The following CROCC variants were observed in gnomAD, a reference collection of about 807,000 sequenced individuals.
CROCC encodes rootletin.
In CROCC, 180 loss-of-function variants were observed where a neutral mutation model predicts 245.2. That is an observed-to-expected ratio of 0.73 (90% confidence interval 0.65 to 0.83). The LOEUF (loss-of-function observed/expected upper bound fraction) is 0.83, where lower values mean the gene tolerates loss of function less well. CROCC is among the 40% of genes least tolerant of loss of function. The pLI, the probability that CROCC is intolerant of heterozygous loss-of-function variation, is 0.00. For missense variants in CROCC, 2,688 were observed against 2,779.4 expected (o/e 0.97, Z 0.74); for synonymous variants, 1,205 against 1,241.6 (o/e 0.97, Z 0.62).
At chr1:16,957,399 C>T (rs2100512991) in intron 25 of CROCC, among the ~76,000 whole-genome samples, 1 of 152,112 alleles carries the variant, frequency 6.6e-6, no homozygotes, top group South Asian at 2.1e-4. Context: ...AAAGCAAGAC[C>T]CTGACTCTAA....
Position 16,948,297 on chromosome 1 carries a change from T to C in CROCC, c.2515-34T>C, listed in dbSNP as rs368848011. ...GCACGATGAACAAGCTGGGGGACGC[T>C]GGGAGTGCTACTCAGTCTCTGGGTG... On this transcript the variant is annotated intron_variant, in intron 17 of 36. Transcript: ENST00000375541. The C allele has an allele frequency of 4.6e-6, 7 of 1,517,464 alleles. No individual in the cohort carries two copies. The East Asian group carries it at 1.6e-4, about 35-fold the overall frequency. 94.0% of individuals were successfully genotyped at this position (1,517,464 alleles called of 1,614,324 possible). A position where few individuals can be genotyped will look rare whatever the true frequency, so the allele number is the denominator to read the frequency against.
chr1:16,949,116 C>A (rs1280345617), intron 19 of CROCC, among the ~76,000 whole-genome samples, 190 bp downstream of exon 19: 5 of 152,272 alleles, frequency 3.3e-5, no homozygotes, highest in Admixed American at 2.6e-4. Context: ...GCTGCAGATT[C>A]CTCAGCTGAT....
chr1:16,969,329 C>G lies in CROCC; in HGVS notation c.5290C>G (p.Gln1764Glu). 6.2e-7 allele frequency: 1 copy of G among 1,611,138 alleles called. No individual in the cohort carries two copies. The highest frequency in any genetic ancestry group is 8.5e-7 in the Non-Finnish European group (1 of 1,179,462). ...TCTGACCGCCTGTGAACATGACCGC[C>G]AAGTACTCCAGGTCTCGGGCCCAGG... Reference protein sequence around the residue: ...KALTACEHDRQVLQERLDAAR... With the variant: ...KALTACEHDREVLQERLDAAR... Residue 1764 changes from glutamine to glutamate, a missense_variant, in exon 32 of 37, where the codon CAA (glutamine) becomes GAA (glutamate). Gln to Glu is a conservative substitution (Grantham distance 29). Transcript: ENST00000375541.
intron 1 of CROCC, 111 bp downstream of exon 1, chr1:16,922,189 G>A (rs1191835028): frequency 6.0e-6 from 7 of 1,163,954 alleles, no homozygotes; most frequent in Non-Finnish European, 8.4e-6. Context: ...GAGGTGTGGT[G>A]GTGGTGGGGT....
rs1570603717 is a variant in CROCC, at chr1:16,930,559, G to C, written c.814G>C (p.Glu272Gln). 1 of 1,612,238 alleles carries C rather than the reference G, an allele frequency of 6.2e-7. No individual in the cohort carries two copies. Among genetic ancestry groups the C allele is most frequent in the East Asian group, 2.2e-5 (1 of 44,890 alleles). ...NDWTRCRKEL[E>Q]HREAAWRREE... The stretch of plus-strand genomic sequence containing the variant: ...CTGGACACGCTGCCGCAAGGAGCTG[G>C]AGCACCGGGAGGCGGCGTGGAGGCG... The change falls in exon 7 of 37, where the codon GAG (glutamate) becomes CAG (glutamine). Residue 272 changes from glutamate to glutamine, a missense_variant. Glu to Gln is a conservative substitution (Grantham distance 29). Around this residue, in one of 9 missense-constraint regions of CROCC, gnomAD observed 972 missense variants for 895.3 expected, o/e 1.09. Transcript: ENST00000375541.
At position 16,948,535 on chromosome 1, in the gene CROCC, G is replaced by A. The variant is rs1215416334; in HGVS notation, c.2708+11G>A. ...GGCCACACGCCTGCGGTAAGGCCTTGGGCTCTGCCCAACCCGCCCTGGGGG... is the reference window on the plus strand; with the variant it reads ...GGCCACACGCCTGCGGTAAGGCCTTAGGCTCTGCCCAACCCGCCCTGGGGG... On this transcript the variant is annotated intron_variant, in intron 18 of 36. Transcript: ENST00000375541. 1.3e-6 allele frequency: 2 copies of A among 1,524,158 alleles called. No individual in the cohort carries two copies. Among genetic ancestry groups the A allele is most frequent in the South Asian group, 1.3e-5 (1 of 79,784 alleles). The allele number at this position is 1,524,158 out of a possible 1,614,324, so 94.4% of individuals were successfully genotyped here.
In CROCC at chr1:16,969,344, T is replaced by TCGGGC; in HGVS notation, c.5301+6_5301+10dup. 2 of 1,608,084 alleles carry TCGGGC rather than the reference T, an allele frequency of 1.2e-6. No individual in the cohort carries two copies. The highest frequency in any genetic ancestry group is 2.2e-5 in the South Asian group (2 of 90,210). ...ACATGACCGCCAAGTACTCCAGGTCTCGGGCCCAGGGTCTGGCTGGGGTGG... is the reference window on the plus strand; with the variant it reads ...ACATGACCGCCAAGTACTCCAGGTCTCGGGCCGGGCCCAGGGTCTGGCTGGGGTGG... On this transcript the variant is annotated splice_donor_region_variant and intron_variant, in intron 32 of 36. Coordinates refer to ENST00000375541, the MANE Select transcript of CROCC (RefSeq NM_014675.5).
At chr1:16,930,089 A>T in intron 4 of CROCC, 35 bp from the exon 5 acceptor site, 2 of 1,576,604 alleles carry the variant, frequency 1.3e-6, no homozygotes, top group Non-Finnish European at 1.7e-6. Flanking sequence ...CCCCGCCCCA[A>T]CCCCTGGGGC....
chr1:16,946,809 C>G lies in CROCC; in HGVS notation c.2332C>G (p.Gln778Glu), dbSNP rs1461503361. Residue 778 changes from glutamine (Q) to glutamate (E), a missense_variant, in exon 17 of 37, where the codon CAG (glutamine) becomes GAG (glutamate). Gln to Glu is a conservative substitution (Grantham distance 29). Transcript: ENST00000375541. ...GCAGGGCCGGCAACGGCAGGCAGAG[C>G]AGGAGGCCACAGTGGCGCGGGAAGA... Reference protein sequence around the residue: ...ALQGRQRQAEQEATVAREEQE... With the variant: ...ALQGRQRQAEEEATVAREEQE... The G allele has an allele frequency of 1.9e-6, 3 of 1,552,538 alleles. No individual in the cohort carries two copies. Among genetic ancestry groups the G allele is most frequent in the Admixed American group, 3.9e-5 (2 of 51,066 alleles).
At chr1:16,950,848 C>T (rs1249181046) in intron 19 of CROCC, 105 bp from the exon 20 acceptor site, 1 of 990,518 alleles carries the variant, frequency 1.0e-6, no homozygotes, top group Non-Finnish European at 1.4e-6. Flanking sequence ...CAGGCAGGCC[C>T]TCTGCCTCTG....
At chr1:16,942,423 A>G (rs78420166) in intron 13 of CROCC, among the ~76,000 whole-genome samples, 1,122 of 152,216 alleles carry the variant, frequency 7.4e-3, no homozygotes, top group Non-Finnish European at 0.012. Flanking sequence ...AAATAGGAAT[A>G]AAAAGACAGC....
chr1:16,957,589 C>T (rs2076267813), intron 25 of CROCC, among the ~76,000 whole-genome samples: 9 of 151,988 alleles, frequency 5.9e-5, no homozygotes, highest in Admixed American at 4.6e-4. Context: ...ATTACAGATG[C>T]CCGCCACCAC....
intron 1 of CROCC, among the ~76,000 whole-genome samples, chr1:16,914,269 G>A (rs11203412): frequency 0.15 from 22,731 of 148,510 alleles, no homozygotes; most frequent in East Asian, 0.4. Flanking sequence ...CGACTGCCGC[G>A]GCCCGGCACC....
At chr1:16,921,773 C>T (rs2075410120), upstream of CROCC, among the ~76,000 whole-genome samples, 1 of 152,226 alleles carries the variant, frequency 6.6e-6, no homozygotes, top group South Asian at 2.1e-4. Context: ...CTCCTCCCCT[C>T]TCTTCATCCT....
At chr1:16,941,384 C>T (rs1490997836) in intron 13 of CROCC, 2 of 152,460 alleles carry the variant, frequency 1.3e-5, no homozygotes, top group African/African-American at 2.4e-5. Flanking sequence ...AGGATCGTGC[C>T]ACTGCACTCC....
chr1:16,918,300 C>CTTTTTTTTTTTTTTT (rs201445636), upstream of CROCC, among the ~76,000 whole-genome samples: 3 of 123,872 alleles, frequency 2.4e-5, no homozygotes, highest in Non-Finnish European at 1.7e-5. Context: ...GGAATTCAGT[C>CTTTTTTTTTTTTTTT]TTTTTTTTTT....
chr1:16,939,637 T>C (rs77254958), intron 12 of CROCC, among the ~76,000 whole-genome samples: 6,853 of 149,884 alleles, frequency 0.046, no homozygotes, highest in Non-Finnish European at 0.059. Context: ...TGCCTGGGGG[T>C]TTGTCTGGCA....
At chr1:16,923,071 A>C (rs1319429145) in intron 2 of CROCC, among the ~76,000 whole-genome samples, 1 of 152,278 alleles carries the variant, frequency 6.6e-6, no homozygotes, top group Admixed American at 6.5e-5. Context: ...GTGAACCCCA[A>C]ATCCCGTATT....
chr1:16,941,942 T>C (rs2075943655), intron 13 of CROCC, among the ~76,000 whole-genome samples: 2 of 152,210 alleles, frequency 1.3e-5, no homozygotes, highest in South Asian at 4.1e-4. Context: ...CCTCAAGTGA[T>C]TCCCCTGCCT....
Sources: allele counts gnomAD v4.1 joint callset (sites outside exome capture counted in the v4.1 genomes callset), GRCh38; gene constraint gnomAD v4.1.1; regional missense constraint gnomAD v4.1.1; transcripts MANE v1.5; gene names NCBI Gene and HGNC (gene_info 2026-07-23, HGNC 2026-07-21).